The following FAM210A variants were observed in gnomAD, a reference collection of about 807,000 sequenced individuals.
FAM210A encodes family with sequence similarity 210 member A.
Under a neutral mutation model 25.3 loss-of-function variants are expected in FAM210A, and 13 were observed. That is an observed-to-expected ratio of 0.51 (90% CI 0.33 to 0.82). The LOEUF is 0.82. Among genes scored for constraint, FAM210A ranks in the 40% least tolerant of loss-of-function variants. FAM210A has a pLI of 0.02. For synonymous variants in FAM210A, 125 were observed against 118.7 expected (o/e 1.05, Z -0.35); for missense variants, 319 against 323.2 (o/e 0.99, Z 0.10).
rs1450593516 is a variant in FAM210A, at chr18:13,663,843, A to G, written c.*2637T>C. 6.6e-6 allele frequency: 1 copy of G among 152,176 alleles called. No individual in the cohort carries two copies. The highest frequency in any genetic ancestry group is 1.5e-5 in the Non-Finnish European group (1 of 68,054). 9.4% of individuals were successfully genotyped at this position (152,176 alleles called of 1,614,324 possible). ...AAAATAAATATAAATATAAATATAAATGTAGACATGTAAGACACAGGGCTG... is the reference window on the plus strand; with the variant it reads ...AAAATAAATATAAATATAAATATAAGTGTAGACATGTAAGACACAGGGCTG... On this transcript the variant is annotated 3_prime_UTR_variant, in exon 4 of 4. Transcript: ENST00000651643.
chr18:13,713,976 C>T (rs2043841403), intron 1 of FAM210A, among the ~76,000 whole-genome samples: 2 of 152,178 alleles, frequency 1.3e-5, no homozygotes, highest in East Asian at 1.9e-4. Context: ...ATTATAACTC[C>T]TCCAGGGGTA....
chr18:13,685,847 A>G (rs2043592669), intron 1 of FAM210A, among the ~76,000 whole-genome samples: 1 of 152,194 alleles, frequency 6.6e-6, no homozygotes, highest in African/African-American at 2.4e-5. Context: ...TCTTTTATCA[A>G]CAGTTTACAG....
chr18:13,720,238 A>T (rs2043888111), intron 1 of FAM210A, among the ~76,000 whole-genome samples: 1 of 152,290 alleles, frequency 6.6e-6, no homozygotes, highest in East Asian at 1.9e-4. Context: ...ACAGCATTTC[A>T]ATCTGCCACT....
At chr18:13,675,793 T>A (rs71353289) in intron 2 of FAM210A, among the ~76,000 whole-genome samples, 1 of 7,468 alleles carries the variant, frequency 1.3e-4, no homozygotes, top group Non-Finnish European at 3.2e-4. Context: ...TCCTGAGCCC[T>A]GGCTTCATTA....
Position 13,666,514 on chromosome 18 carries a change from T to G in FAM210A, c.785A>C (p.Lys262Thr), listed in dbSNP as rs765493182. Residue 262 changes from lysine (K) to threonine (T), a missense_variant, in exon 4 of 4, where the codon AAA (lysine) becomes ACA (threonine). Transcript: ENST00000651643. Reference sequence around the variant, plus strand: ...TTTTTTCTTAAAGGAAACTTTTTCTTTGGTTTCTTGTAACTTTTCAGTGAG... The same window carrying G: ...TTTTTTCTTAAAGGAAACTTTTTCTGTGGTTTCTTGTAACTTTTCAGTGAG... ...DRLTEKLQET[K>T]EKVSFKKKVE The G allele has an allele frequency of 8.1e-6, 13 of 1,613,876 alleles. 1 individual carries two copies. Among genetic ancestry groups the G allele is most frequent in the Non-Finnish European group, 1.1e-5 (13 of 1,179,898 alleles).
At chr18:13,706,499 T>A (rs751912340) in intron 1 of FAM210A, among the ~76,000 whole-genome samples, 1 of 152,220 alleles carries the variant, frequency 6.6e-6, no homozygotes, top group South Asian at 2.1e-4. Context: ...ATGGTACATA[T>A]GTTGCCTCAT....
chr18:13,664,419 T>C lies in FAM210A; in HGVS notation c.*2061A>G, dbSNP rs2043383677. ...TTCCATATAACACAAGATTTTCACA[T>C]AGTCTCCAGTGGTTAAAAAGAAAAA... is the stretch of plus-strand genomic sequence containing the variant. On this transcript the variant is annotated 3_prime_UTR_variant, in exon 4 of 4. Transcript: ENST00000651643. The C allele has an allele frequency of 6.6e-6, 1 of 152,326 alleles. No homozygotes were observed. The highest frequency in any genetic ancestry group is 1.5e-5 in the Non-Finnish European group (1 of 68,026). The allele number at this position is 152,326 out of a possible 1,614,324, so 9.4% of individuals were successfully genotyped here. A position where few individuals can be genotyped will look rare whatever the true frequency, so the allele number is the denominator to read the frequency against.
At chr18:13,671,582 G>A (rs895003091) in intron 3 of FAM210A, among the ~76,000 whole-genome samples, 6 of 151,736 alleles carry the variant, frequency 4.0e-5, no homozygotes, top group Admixed American at 6.6e-5. Context: ...CCAGCTACTC[G>A]GGAGGCTGAG....
At chr18:13,724,837 A>G (rs559935551) in intron 1 of FAM210A, among the ~76,000 whole-genome samples, 14 of 152,302 alleles carry the variant, frequency 9.2e-5, no homozygotes, top group African/African-American at 3.4e-4. Flanking sequence ...GCAACGGCGC[A>G]ATCTCGGCTC....
rs367697899 is a variant in FAM210A at position 13,694,656 on chromosome 18, C to G, written c.-28-12551G>C. Among the ~76,000 whole-genome samples, 10 of 152,192 alleles carry G rather than the reference C, an allele frequency of 6.6e-5. No individual in the cohort carries two copies. The East Asian group carries it at 7.7e-4, about 12-fold the overall frequency. ...TAATAAATGGTGCTGGGAAAACTGG[C>G]TAGCCATATGTAGAAAGCTGAAACT... On this transcript the variant is annotated intron_variant, in intron 1 of 3. Coordinates refer to ENST00000651643, the MANE Select transcript of FAM210A (RefSeq NM_152352.4).
intron 3 of FAM210A, among the ~76,000 whole-genome samples, chr18:13,670,065 C>A (rs1425450291): frequency 2.0e-5 from 3 of 152,134 alleles, no homozygotes; most frequent in Non-Finnish European, 4.4e-5. Context: ...CATTTTCAAT[C>A]CCAACTCCAC....
intron 3 of FAM210A, among the ~76,000 whole-genome samples, chr18:13,667,358 T>A (rs1286171252): frequency 6.6e-6 from 1 of 152,156 alleles, no homozygotes; most frequent in Non-Finnish European, 1.5e-5. Flanking sequence ...TTAGGACCAA[T>A]ACTAAATAGC....
intron 1 of FAM210A, among the ~76,000 whole-genome samples, chr18:13,690,896 G>A (rs780525482): frequency 2.3e-4 from 35 of 152,194 alleles, no homozygotes; most frequent in African/African-American, 7.2e-4. Context: ...AAAGCTGGAC[G>A]GAGAATGACT....
In FAM210A at chr18:13,665,409, C is replaced by CAAAAAAAAAAAAAAAAAAAAAAAAAA. The variant is rs1555788360; in HGVS notation, c.*1070_*1071insTTTTTTTTTTTTTTTTTTTTTTTTTT. The CAAAAAAAAAAAAAAAAAAAAAAAAAA allele has an allele frequency of 1.1e-5, 1 of 89,634 alleles. No homozygotes were observed. The highest frequency in any genetic ancestry group is 3.7e-5 in the African/African-American group (1 of 27,064). The allele number at this position is 89,634 out of a possible 1,614,324, so 5.6% of individuals were successfully genotyped here. A position where few individuals can be genotyped will look rare whatever the true frequency, so the allele number is the denominator to read the frequency against. On this transcript the variant is annotated 3_prime_UTR_variant, in exon 4 of 4. Transcript: ENST00000651643. ...AAAAAAAAAAAAAAAAAAAAAAAATCAAGTAGAATGCTCAAACAAGGATAT... is the reference window on the plus strand; with the variant it reads ...AAAAAAAAAAAAAAAAAAAAAAAATCAAAAAAAAAAAAAAAAAAAAAAAAAAAAGTAGAATGCTCAAACAAGGATAT...
At chr18:13,714,361 A>G (rs1272372675) in intron 1 of FAM210A, among the ~76,000 whole-genome samples, 1 of 152,196 alleles carries the variant, frequency 6.6e-6, no homozygotes, top group Admixed American at 6.5e-5. Flanking sequence ...GGAAAAGAAG[A>G]TGGAAAGTCA....
At chr18:13,704,686 G>A in intron 1 of FAM210A, among the ~76,000 whole-genome samples, 1 of 152,060 alleles carries the variant, frequency 6.6e-6, no homozygotes, top group East Asian at 1.9e-4. Flanking sequence ...GTGAAGAATT[G>A]TCAAAATAAA....
intron 1 of FAM210A, among the ~76,000 whole-genome samples, chr18:13,691,928 A>T (rs368154583): frequency 0.054 from 1,929 of 35,522 alleles, 153 homozygotes; most frequent in Non-Finnish European, 0.072. Flanking sequence ...TAAATGAACT[A>T]AATGCTCCAG....
At chr18:13,685,655 C>T (rs769277946) in intron 1 of FAM210A, among the ~76,000 whole-genome samples, 2 of 152,148 alleles carry the variant, frequency 1.3e-5, no homozygotes, top group Admixed American at 6.5e-5. Flanking sequence ...CTAGGTGGAA[C>T]CAATGTCTGT....
At chr18:13,724,662 C>T (rs923449116) in intron 1 of FAM210A, among the ~76,000 whole-genome samples, 3 of 152,244 alleles carry the variant, frequency 2.0e-5, no homozygotes, top group African/African-American at 7.2e-5. Context: ...TGAATTTACA[C>T]AACTTCTAGT....
Sources: allele counts gnomAD v4.1 joint callset (sites outside exome capture counted in the v4.1 genomes callset), GRCh38; gene constraint gnomAD v4.1.1; transcripts MANE v1.5; gene names NCBI Gene and HGNC (gene_info 2026-07-23, HGNC 2026-07-21).